Variants in CAMK2B observed in about 807,000 individuals in gnomAD.
CAMK2B encodes the protein calcium/calmodulin-dependent protein kinase type II subunit beta.
Under a neutral mutation model 93.7 loss-of-function variants are expected in CAMK2B, and 27 were observed. The observed-to-expected ratio is 0.29, with a 90% CI of 0.21 to 0.40. The LOEUF (loss-of-function observed/expected upper bound fraction) is 0.40, where lower values mean the gene tolerates loss of function less well. Among genes scored for constraint, CAMK2B ranks in the 10% least tolerant of loss-of-function variants. CAMK2B has a pLI of 1.00. For missense variants in CAMK2B, 568 were observed against 895.8 expected, an observed-to-expected ratio of 0.63 and a Z score of 4.67; for synonymous variants, 374 against 358.8, an observed-to-expected ratio of 1.04 and a Z score of -0.48.
At chr7:44,244,225 A>C (rs2096709229) in intron 6 of CAMK2B, among the ~76,000 whole-genome samples, 1 of 152,156 alleles carries the variant, frequency 6.6e-6, no homozygotes. Context: ...TTGGGGGGTT[A>C]CTCAGGCCCT....
intron 20 of CAMK2B, among the ~76,000 whole-genome samples, chr7:44,222,356 C>T (rs1273300967): frequency 6.6e-5 from 10 of 152,150 alleles, no homozygotes; most frequent in African/African-American, 2.2e-4. Flanking sequence ...CCTGTGGTGA[C>T]GTTTCCACTC....
At chr7:44,301,025 A>G (rs1789854532) in intron 1 of CAMK2B, among the ~76,000 whole-genome samples, 1 of 152,270 alleles carries the variant, frequency 6.6e-6, no homozygotes, top group Non-Finnish European at 1.5e-5. Context: ...TCTAAATGAC[A>G]CACAGACAAA....
chr7:44,230,854 G>A (rs1161213562), intron 17 of CAMK2B, 152 bp downstream of exon 17: 24 of 622,056 alleles, frequency 3.9e-5, no homozygotes, highest in Middle Eastern at 2.8e-4. Context: ...CAGGCTTGGA[G>A]CAGGATTACA....
chr7:44,235,909 G>A (rs918655381), intron 13 of CAMK2B, among the ~76,000 whole-genome samples: 1 of 152,236 alleles, frequency 6.6e-6, no homozygotes, highest in African/African-American at 2.4e-5. Context: ...TGCTGCCCAT[G>A]CAGGCCTGGG....
At chr7:44,310,725 T>C (rs1178356618) in intron 1 of CAMK2B, among the ~76,000 whole-genome samples, 1 of 152,198 alleles carries the variant, frequency 6.6e-6, no homozygotes, top group Non-Finnish European at 1.5e-5. Context: ...TCCACTTATA[T>C]GGGGTCCCTA....
intron 1 of CAMK2B, among the ~76,000 whole-genome samples, chr7:44,314,506 A>G (rs1794376587): frequency 6.6e-6 from 1 of 152,232 alleles, no homozygotes; most frequent in Admixed American, 6.5e-5. Context: ...GTATGACTAT[A>G]ACACATTTTT....
In CAMK2B at chr7:44,229,464, C is replaced by T. The variant is rs749033332; in HGVS notation, c.1263G>A (p.Arg421=). The change falls in exon 18 of 24, where the codon AGG becomes AGA. Residue 421 remains arginine (R), a synonymous_variant. Coordinates refer to ENST00000395749, the MANE Select transcript of CAMK2B (RefSeq NM_001220.5). ...CCTCGGCTTCTGGGGCTCCCGAGCC[C>T]CTCCTCACTGAGCTCAGGATGTCGG... ...RVPDILSSVR[R]GSGAPEAEGP... 7 of 1,478,604 alleles carry T rather than the reference C, an allele frequency of 4.7e-6. No individual in the cohort carries two copies. The East Asian group carries it at 1.8e-4, about 39-fold the overall frequency. The allele number at this position is 1,478,604 out of a possible 1,614,324, so 91.6% of individuals were successfully genotyped here. A position where few individuals can be genotyped will look rare whatever the true frequency, so the allele number is the denominator to read the frequency against.
At chr7:44,295,413 A>G (rs1021111884) in intron 1 of CAMK2B, among the ~76,000 whole-genome samples, 7 of 152,254 alleles carry the variant, frequency 4.6e-5, no homozygotes, top group Non-Finnish European at 7.3e-5. Flanking sequence ...ACAACTTGCC[A>G]TCACTTCTCA....
At chr7:44,307,873 ATT>A (rs201376130) in intron 1 of CAMK2B, among the ~76,000 whole-genome samples, 1 of 150,776 alleles carries the variant, frequency 6.6e-6, no homozygotes, top group African/African-American at 2.4e-5. Flanking sequence ...GGTTTTGGCC[ATT>A]TTTTTTTAAC....
chr7:44,284,441 G>A (rs1417884502), intron 1 of CAMK2B, among the ~76,000 whole-genome samples: 1 of 152,276 alleles, frequency 6.6e-6, no homozygotes, highest in East Asian at 1.9e-4. Context: ...AACAGAGGCC[G>A]GCTTCCCGAC....
chr7:44,270,101 C>T (rs998499315), intron 2 of CAMK2B, among the ~76,000 whole-genome samples: 3 of 151,512 alleles, frequency 2.0e-5, no homozygotes, highest in Non-Finnish European at 2.9e-5. Context: ...GGCAGCTCTG[C>T]CTCACCCCGA....
At chr7:44,287,638 C>T (rs1255617816) in intron 1 of CAMK2B, among the ~76,000 whole-genome samples, 1 of 152,224 alleles carries the variant, frequency 6.6e-6, no homozygotes, top group Non-Finnish European at 1.5e-5. Flanking sequence ...GCACCATCAC[C>T]ATACTCCCTT....
At chr7:44,279,325 A>T (rs1171674651) in intron 2 of CAMK2B, among the ~76,000 whole-genome samples, 1 of 152,210 alleles carries the variant, frequency 6.6e-6, no homozygotes. Flanking sequence ...CCACCATAAA[A>T]AGTTAAATAG....
intron 11 of CAMK2B, 50 bp from the exon 12 acceptor site, chr7:44,240,799 C>G: frequency 6.3e-7 from 1 of 1,588,758 alleles, no homozygotes. Context: ...GTGTTCCCTG[C>G]TGGCTTCTGG....
rs745379322 is a variant in CAMK2B, at chr7:44,228,925, C to T, written c.1340-1G>A. On this transcript the variant is annotated splice_acceptor_variant, in intron 18 of 23. Coordinates refer to ENST00000395749, the MANE Select transcript of CAMK2B (RefSeq NM_001220.5). LOFTEE classifies it high-confidence loss of function. ...TTCAGGATGTCAGAGATCCTGGGGG[C>T]TGGGGTGGAACAGATGAGACGTGAA... 18 of 1,607,878 alleles carry T rather than the reference C, an allele frequency of 1.1e-5. No homozygotes were observed. Among genetic ancestry groups the T allele is most frequent in the Non-Finnish European group, 1.4e-5 (16 of 1,177,088 alleles).
rs202151713 is a variant in CAMK2B at position 44,271,547 on chromosome 7, C to CAG, written c.161-8485_161-8484dup. ...GGCATTGGCTGTGGGGTGGGGCAGG[C>CAG]AGAGGCCAGCTCACATCTTGGGGCC... On this transcript the variant is annotated intron_variant, in intron 2 of 23. Coordinates refer to ENST00000395749, the MANE Select transcript of CAMK2B (RefSeq NM_001220.5). This position sits in a 1 kb window ranked among gnomAD's most constrained non-coding sequence, Gnocchi z 4.2. Among the ~76,000 whole-genome samples, 1,321 of 152,336 alleles carry CAG rather than the reference C, an allele frequency of 8.7e-3. 9 individuals carry two copies. The highest frequency in any genetic ancestry group is 0.011 in the Non-Finnish European group (747 of 68,018).
At chr7:44,236,705 A>C (rs368976502) in intron 13 of CAMK2B, among the ~76,000 whole-genome samples, 3 of 152,144 alleles carry the variant, frequency 2.0e-5, no homozygotes, top group Admixed American at 6.5e-5. Context: ...CAGGACCCCC[A>C]CAGTCCCCTC....
At chr7:44,296,034 C>T (rs1428554419) in intron 1 of CAMK2B, among the ~76,000 whole-genome samples, 1 of 152,056 alleles carries the variant, frequency 6.6e-6, no homozygotes, top group Non-Finnish European at 1.5e-5. Context: ...CGCTTTTACC[C>T]GGTACATCAT....
At chr7:44,252,393 G>T (rs2096788772) in intron 5 of CAMK2B, among the ~76,000 whole-genome samples, 1 of 151,832 alleles carries the variant, frequency 6.6e-6, no homozygotes, top group African/African-American at 2.4e-5. Flanking sequence ...GGAGCAGAGG[G>T]GGCTCTGGGG....
Sources: allele counts gnomAD v4.1 joint callset (sites outside exome capture counted in the v4.1 genomes callset), GRCh38; gene constraint gnomAD v4.1.1; non-coding constraint Gnocchi (gnomAD v3.1); transcripts MANE v1.5; gene names NCBI Gene and HGNC (gene_info 2026-07-23, HGNC 2026-07-21).